DYNAP: variants seen among roughly 807,000 people sequenced by gnomAD.
DYNAP encodes the protein dynactin-associated protein.
Under a neutral mutation model 8.5 loss-of-function variants are expected in DYNAP, and 7 were observed. The ratio of observed to expected loss-of-function variants is 0.82; its 90% confidence interval spans 0.47 to 1.54. The LOEUF (loss-of-function observed/expected upper bound fraction) is 1.54, where lower values mean the gene tolerates loss of function less well. DYNAP is among the 40% of genes most tolerant of loss of function. DYNAP has a pLI of 0.01. For missense variants in DYNAP, 256 were observed against 224.3 expected, an observed-to-expected ratio of 1.14 and a Z score of -0.90; for synonymous variants, 77 against 77.9, an observed-to-expected ratio of 0.99 and a Z score of 0.06.
chr18:54,592,794 G>T (rs1911132638), intron 1 of DYNAP, among the ~76,000 whole-genome samples: 1 of 152,106 alleles, frequency 6.6e-6, no homozygotes, highest in Non-Finnish European at 1.5e-5. Context: ...GCTGCAAACT[G>T]GGCCTAGATC....
intron 1 of DYNAP, 136 bp downstream of exon 1, chr18:54,591,475 C>A: frequency 3.0e-6 from 3 of 997,002 alleles, no homozygotes; most frequent in Non-Finnish European, 4.2e-6. Context: ...AAAGAGCAAC[C>A]CTGTATCAAT....
chr18:54,597,326 C>T (rs573786716), intron 2 of DYNAP, among the ~76,000 whole-genome samples: 1 of 152,068 alleles, frequency 6.6e-6, no homozygotes, highest in East Asian at 1.9e-4. Flanking sequence ...AAATACATGT[C>T]ATCATATAGT....
upstream of DYNAP, chr18:54,587,720 C>A: frequency 5.1e-6 from 2 of 394,820 alleles, no homozygotes; most frequent in South Asian, 1.4e-4. Flanking sequence ...TATCCATATT[C>A]TGAAGAAAAA....
chr18:54,596,141 T>C (rs943567661), intron 2 of DYNAP, among the ~76,000 whole-genome samples: 5 of 151,966 alleles, frequency 3.3e-5, no homozygotes, highest in African/African-American at 1.2e-4. Flanking sequence ...GGCACAATCA[T>C]GTCTCACTGC....
intron 1 of DYNAP, 31 bp downstream of exon 1, chr18:54,591,370 G>C (rs2144886510): frequency 6.3e-7 from 1 of 1,582,778 alleles, no homozygotes; most frequent in East Asian, 2.3e-5. Context: ...TTGATAGTTT[G>C]CCTATATTAC....
intron 1 of DYNAP, among the ~76,000 whole-genome samples, chr18:54,593,870 G>T (rs529377142): frequency 6.6e-6 from 1 of 152,188 alleles, no homozygotes; most frequent in African/African-American, 2.4e-5. Flanking sequence ...GGAGGTCGAG[G>T]TTTCAGTGAA....
upstream of DYNAP, chr18:54,591,104 C>T (rs1387420605): frequency 2.4e-6 from 3 of 1,249,962 alleles, no homozygotes; most frequent in Non-Finnish European, 3.2e-6. Flanking sequence ...TCATTTCCTC[C>T]TCTAAGGTGG....
chr18:54,598,247 A>C lies in DYNAP; in HGVS notation c.*102A>C. The C allele has an allele frequency of 8.1e-7, 1 of 1,235,690 alleles. No homozygotes were observed. The highest frequency in any genetic ancestry group is 1.1e-6 in the Non-Finnish European group (1 of 891,556). 76.5% of individuals were successfully genotyped at this position (1,235,690 alleles called of 1,614,324 possible). A position where few individuals can be genotyped will look rare whatever the true frequency, so the allele number is the denominator to read the frequency against. On this transcript the variant is annotated 3_prime_UTR_variant, in exon 3 of 3. Transcript: ENST00000648945. The stretch of plus-strand genomic sequence containing the variant: ...TACTCCTATCACTTCAAGTGGAATC[A>C]TGGCTGCAGTCACTTTAACAGACTC...
At chr18:54,585,237 CT>C (rs377495333), upstream of DYNAP, among the ~76,000 whole-genome samples, 311 of 148,032 alleles carry the variant, frequency 2.1e-3, 3 homozygotes, top group African/African-American at 6.0e-3. Flanking sequence ...ATAATATTTT[CT>C]TTTTTTTTTA....
chr18:54,584,998 G>A (rs866009897), upstream of DYNAP, among the ~76,000 whole-genome samples: 20 of 152,112 alleles, frequency 1.3e-4, no homozygotes, highest in African/African-American at 4.6e-4. Context: ...GAGCAGGATG[G>A]TGATATAAAC....
At chr18:54,587,142 A>G (rs1418579296), upstream of DYNAP, among the ~76,000 whole-genome samples, 1 of 152,180 alleles carries the variant, frequency 6.6e-6, no homozygotes, top group Non-Finnish European at 1.5e-5. Context: ...TTTTCTTCTC[A>G]TTCACAGTTT....
upstream of DYNAP, among the ~76,000 whole-genome samples, chr18:54,589,454 T>C (rs544932052): frequency 6.6e-6 from 1 of 152,318 alleles, no homozygotes; most frequent in East Asian, 1.9e-4. Context: ...TCATAATACA[T>C]GGTGAAGAAA....
intron 1 of DYNAP, among the ~76,000 whole-genome samples, chr18:54,593,553 G>C (rs1355405239): frequency 6.6e-6 from 1 of 152,098 alleles, no homozygotes; most frequent in Non-Finnish European, 1.5e-5. Context: ...AGATAACCTT[G>C]ATTCACAGCT....
upstream of DYNAP, among the ~76,000 whole-genome samples, chr18:54,586,628 CCTT>C (rs1461955136): frequency 6.6e-6 from 1 of 152,186 alleles, no homozygotes; most frequent in Non-Finnish European, 1.5e-5. Flanking sequence ...TTCCCCCCAT[CCTT>C]CTTAGGGCTC....
rs1599456121 is a variant in DYNAP at position 54,598,105 on chromosome 18, C to T, written c.515C>T (p.Ser172Phe). ...TTSTATAATT[S>F]TEPITVAPTD... ...TCAACAGCTACAGCTGCCACCACTT[C>T]CACAGAACCTATAACTGTTGCACCT... The change falls in exon 3 of 3, where the codon TCC becomes TTC. Residue 172 changes from serine (S) to phenylalanine (F), a missense_variant. Transcript: ENST00000648945. 13 of 1,613,272 alleles carry T rather than the reference C, an allele frequency of 8.1e-6. No homozygotes were observed. The African/African-American group carries it at 1.2e-4, about 15-fold the overall frequency.
At chr18:54,583,007 C>A (rs1910769934), upstream of DYNAP, among the ~76,000 whole-genome samples, 1 of 152,168 alleles carries the variant, frequency 6.6e-6, no homozygotes, top group African/African-American at 2.4e-5. Context: ...TTTCATTGAT[C>A]ATCCTATACC....
upstream of DYNAP, among the ~76,000 whole-genome samples, chr18:54,590,857 C>T (rs566485804): frequency 6.6e-6 from 1 of 152,160 alleles, no homozygotes; most frequent in African/African-American, 2.4e-5. Flanking sequence ...TCATGGGTAC[C>T]TAAGAGGTGG....
At chr18:54,576,650 A>T in the DYNAP span, among the ~76,000 whole-genome samples, 1 of 151,714 alleles carries the variant, frequency 6.6e-6, no homozygotes. Context: ...ACAATAAAAA[A>T]AAATGAGCTG....
At chr18:54,577,963 C>CAAAA in the DYNAP span, among the ~76,000 whole-genome samples, 442 of 132,742 alleles carry the variant, frequency 3.3e-3, 11 homozygotes, top group African/African-American at 0.011. Context: ...GACTCAGCCT[C>CAAAA]AAAAAAAAAA....
Sources: gnomAD v4.1 joint callset for allele counts (sites outside exome capture counted in the v4.1 genomes callset) on GRCh38, gnomAD v4.1.1 for gene constraint, MANE v1.5 for transcripts, NCBI Gene and HGNC (gene_info 2026-07-23, HGNC 2026-07-21) for gene names.